Variants in UST observed in about 807,000 individuals in gnomAD.
The protein encoded by UST is chondroitin sulfate 2-O-sulfotransferase.
UST carries 21 observed loss-of-function variants against 45.6 expected under a neutral mutation model. The observed-to-expected ratio is 0.46, with a 90% CI of 0.33 to 0.66. The LOEUF (loss-of-function observed/expected upper bound fraction) is 0.66, where lower values mean the gene tolerates loss of function less well. Ranked by LOEUF, UST falls within the 30% of genes least tolerant of loss-of-function variation. The pLI is 0.02. For synonymous variants in UST, 215 were observed against 200.6 expected, an observed-to-expected ratio of 1.07 and a Z score of -0.61; for missense variants, 463 against 512.4, an observed-to-expected ratio of 0.90 and a Z score of 0.93.
intron 1 of UST, among the ~76,000 whole-genome samples, chr6:148,815,212 CTTG>C (rs1330630046): frequency 6.6e-6 from 1 of 152,108 alleles, no homozygotes; most frequent in African/African-American, 2.4e-5. Flanking sequence ...GGAGAATATG[CTTG>C]TTTGCTTAAA....
intron 7 of UST, among the ~76,000 whole-genome samples, chr6:149,059,834 G>T (rs1184012072): frequency 1.3e-5 from 2 of 152,036 alleles, no homozygotes; most frequent in African/African-American, 4.8e-5. Context: ...CTAGAAGCCC[G>T]TCCAACAGCT....
intron 1 of UST, among the ~76,000 whole-genome samples, chr6:148,757,256 G>A (rs1776117462): frequency 6.6e-6 from 1 of 152,244 alleles, no homozygotes; most frequent in African/African-American, 2.4e-5. Flanking sequence ...CTGTAATTAA[G>A]AATAGCTGAG....
chr6:148,808,065 G>C (rs1777184525), intron 1 of UST, among the ~76,000 whole-genome samples: 1 of 152,106 alleles, frequency 6.6e-6, no homozygotes, highest in Admixed American at 6.5e-5. Context: ...GGGGTTACGG[G>C]TATCAGTGGT....
At chr6:149,054,522 C>G (rs548972397) in intron 7 of UST, among the ~76,000 whole-genome samples, 1 of 151,976 alleles carries the variant, frequency 6.6e-6, no homozygotes, top group Non-Finnish European at 1.5e-5. Context: ...TGGGGGACAC[C>G]GATGCTTAAT....
chr6:148,872,507 C>A (rs1213282445), intron 1 of UST, among the ~76,000 whole-genome samples: 1 of 142,064 alleles, frequency 7.0e-6, no homozygotes, highest in Admixed American at 6.7e-5. Context: ...CAGAGAGTCA[C>A]CACTTACAAG....
intron 1 of UST, among the ~76,000 whole-genome samples, chr6:148,775,148 G>A (rs1426517098): frequency 1.3e-5 from 2 of 152,070 alleles, no homozygotes; most frequent in African/African-American, 2.4e-5. Context: ...TATCCTCTCC[G>A]TCCCTCCTAG....
At chr6:149,036,696 G>A (rs1228100940) in intron 7 of UST, among the ~76,000 whole-genome samples, 3 of 152,170 alleles carry the variant, frequency 2.0e-5, no homozygotes, top group Non-Finnish European at 4.4e-5. Flanking sequence ...CCGTAGCACT[G>A]CCTTCAGCAT....
intron 5 of UST, among the ~76,000 whole-genome samples, chr6:148,993,630 G>A (rs934037851): frequency 1.3e-5 from 2 of 152,136 alleles, no homozygotes; most frequent in Admixed American, 1.3e-4. Flanking sequence ...GGGGCCTGGT[G>A]GGAAGTGATC....
chr6:148,813,387 T>G (rs1026689122), intron 1 of UST, among the ~76,000 whole-genome samples: 7 of 149,014 alleles, frequency 4.7e-5, no homozygotes, highest in African/African-American at 1.7e-4. Flanking sequence ...ACAGAATAAT[T>G]TTTTTTTTTT....
At chr6:148,774,599 G>A (rs941751172) in intron 1 of UST, among the ~76,000 whole-genome samples, 1 of 152,158 alleles carries the variant, frequency 6.6e-6, no homozygotes, top group Non-Finnish European at 1.5e-5. Flanking sequence ...GTAATTTCAA[G>A]CGTGAAGTAT....
rs180743861 is a variant in UST at position 149,006,185 on chromosome 6, A to G, written c.682-12954A>G. Among the ~76,000 whole-genome samples the G allele has an allele frequency of 3.9e-3, 587 of 152,250 alleles. 3 individuals carry two copies. Among genetic ancestry groups the G allele is most frequent in the Admixed American group, 8.1e-3 (124 of 15,286 alleles). The stretch of plus-strand genomic sequence containing the variant: ...GGTGGTTTGCTGCACCCATCAACCC[A>G]TCACCTAGGTATTAAGCCCAACATG... On this transcript the variant is annotated intron_variant, in intron 5 of 7. Transcript: ENST00000367463.
chr6:148,871,991 G>T (rs1193026657), intron 1 of UST, among the ~76,000 whole-genome samples: 1 of 152,190 alleles, frequency 6.6e-6, no homozygotes, highest in Non-Finnish European at 1.5e-5. Flanking sequence ...TCTGTAAGTT[G>T]AGGGGTGTGG....
intron 2 of UST, among the ~76,000 whole-genome samples, chr6:148,908,241 T>G (rs1400189277): frequency 6.6e-6 from 1 of 152,176 alleles, no homozygotes; most frequent in Non-Finnish European, 1.5e-5. Context: ...TTAACTAGTT[T>G]TTATTCCTAG....
chr6:148,950,258 G>A (rs1384066960), intron 3 of UST, among the ~76,000 whole-genome samples: 1 of 152,172 alleles, frequency 6.6e-6, no homozygotes, highest in Non-Finnish European at 1.5e-5. Flanking sequence ...TTTCTAACAA[G>A]TCTCGGGTGA....
intron 2 of UST, among the ~76,000 whole-genome samples, chr6:148,921,841 A>AGTG (rs1268314501): frequency 9.2e-4 from 140 of 152,140 alleles, no homozygotes; most frequent in African/African-American, 3.3e-3. Flanking sequence ...GGCTGTCCCC[A>AGTG]CTGCCGCCAC....
At chr6:148,793,676 C>G (rs1303558163) in intron 1 of UST, among the ~76,000 whole-genome samples, 1 of 152,122 alleles carries the variant, frequency 6.6e-6, no homozygotes, top group Non-Finnish European at 1.5e-5. Flanking sequence ...TTTTTCAGCT[C>G]CATTATCATC....
intron 2 of UST, among the ~76,000 whole-genome samples, chr6:148,900,300 G>C (rs983679268): frequency 6.6e-6 from 1 of 152,026 alleles, no homozygotes; most frequent in African/African-American, 2.4e-5. Context: ...ACTCTCTTCT[G>C]TATCGATATG....
intron 5 of UST, among the ~76,000 whole-genome samples, chr6:148,992,736 C>A (rs1309918053): frequency 6.6e-6 from 1 of 152,090 alleles, no homozygotes; most frequent in African/African-American, 2.4e-5. Context: ...TTCTTCATGG[C>A]CCCAGAGACC....
At chr6:148,946,122 G>GA (rs778551740) in intron 3 of UST, among the ~76,000 whole-genome samples, 1 of 152,102 alleles carries the variant, frequency 6.6e-6, no homozygotes, top group Non-Finnish European at 1.5e-5. Flanking sequence ...GACTTAGGGG[G>GA]AAAAAACCCA....
Sources: allele counts gnomAD v4.1 joint callset (sites outside exome capture counted in the v4.1 genomes callset), GRCh38; gene constraint gnomAD v4.1.1; transcripts MANE v1.5; gene names NCBI Gene and HGNC (gene_info 2026-07-23, HGNC 2026-07-21).